Variants in PVT1 observed in about 807,000 individuals in gnomAD.
PVT1 encodes the protein Pvt1 oncogene.
At chr8:128,072,767 G>C (rs2020247) in intron 5 of PVT1, among the ~76,000 whole-genome samples, 95,367 of 151,998 alleles carry the variant, frequency 0.63, 30,153 homozygotes, top group East Asian at 0.77. Context: ...AGCTTTCTGT[G>C]GCACGAGACA....
chr8:128,065,193 AT>A (rs766697541), intron 4 of PVT1, among the ~76,000 whole-genome samples: 4,321 of 93,570 alleles, frequency 0.046, 148 homozygotes, highest in East Asian at 0.26. Flanking sequence ...CTTCTTTTTT[AT>A]TTTTTATTTT....
intron 4 of PVT1, among the ~76,000 whole-genome samples, chr8:128,000,214 C>T (rs896473725): frequency 1.1e-4 from 17 of 152,214 alleles, no homozygotes; most frequent in Middle Eastern, 3.4e-3. Context: ...TCCTGGGACC[C>T]GAGGCACACA....
intron 3 of PVT1, among the ~76,000 whole-genome samples, chr8:127,917,092 C>T (rs1449805963): frequency 6.6e-6 from 1 of 152,104 alleles, no homozygotes; most frequent in East Asian, 1.9e-4. Context: ...CCACTTTGGC[C>T]CAAAAGTTCC....
intron 3 of PVT1, among the ~76,000 whole-genome samples, chr8:127,927,008 C>T (rs554781651): frequency 8.3e-4 from 127 of 152,238 alleles, no homozygotes; most frequent in African/African-American, 2.6e-3. Context: ...TTTTCTGTGC[C>T]GACAATGACC....
intron 4 of PVT1, among the ~76,000 whole-genome samples, chr8:128,021,317 G>A (rs1292082895): frequency 1.3e-5 from 1 of 76,264 alleles, no homozygotes; most frequent in African/African-American, 5.0e-5. Context: ...TTTTTGAGAC[G>A]GAGTCTAGCT....
At chr8:127,979,215 A>T (rs1270815700) in intron 3 of PVT1, among the ~76,000 whole-genome samples, 2 of 152,246 alleles carry the variant, frequency 1.3e-5, no homozygotes, top group Non-Finnish European at 2.9e-5. Context: ...GTGCTAGGTG[A>T]ACAAAGTTGA....
At chr8:127,910,429 A>T (rs1313581745) in intron 3 of PVT1, among the ~76,000 whole-genome samples, 1 of 152,180 alleles carries the variant, frequency 6.6e-6, no homozygotes, top group Non-Finnish European at 1.5e-5. Flanking sequence ...TTTTGCAGGG[A>T]ATGTGAAATC....
rs1330928568 is a variant in PVT1, at chr8:127,937,261, T to TTTTTC, written n.782+46278_782+46282dup. On this transcript the variant is annotated intron_variant and non_coding_transcript_variant, in intron 3 of 10. Transcript: ENST00000651587. ...ATCTAATTCATTGTTTTTCTTTTCTTTTTTCTTTTCTTTTCTTTTTTTTTT... is the reference window on the plus strand; with the variant it reads ...ATCTAATTCATTGTTTTTCTTTTCTTTTTTCTTTTCTTTTCTTTTCTTTTTTTTTT... Among the ~76,000 whole-genome samples, 701 of 80,144 alleles carry TTTTTC rather than the reference T, an allele frequency of 8.7e-3. 6 individuals are homozygous for TTTTTC. The highest frequency in any genetic ancestry group is 0.022 in the African/African-American group (646 of 28,746). The allele number at this position is 80,144 out of a possible 152,430, so 52.6% of individuals were successfully genotyped here.
intron 4 of PVT1, among the ~76,000 whole-genome samples, chr8:128,014,262 G>T (rs954227860): frequency 6.6e-6 from 1 of 151,654 alleles, no homozygotes; most frequent in Non-Finnish European, 1.5e-5. Flanking sequence ...GCTTTTCTCT[G>T]TGGATTTATC....
At chr8:127,889,759 G>A (rs1815576744) in intron 2 of PVT1, among the ~76,000 whole-genome samples, 2 of 152,110 alleles carry the variant, frequency 1.3e-5, no homozygotes, top group South Asian at 4.1e-4. Flanking sequence ...TTCCTCCACT[G>A]CTTCATCTGG....
At chr8:127,869,676 T>C (rs922937969) in intron 2 of PVT1, among the ~76,000 whole-genome samples, 6 of 152,348 alleles carry the variant, frequency 3.9e-5, no homozygotes, top group African/African-American at 1.4e-4. Flanking sequence ...TGAGAATGTT[T>C]GTCATTTACA....
At chr8:127,850,879 C>T (rs937743012) in intron 2 of PVT1, among the ~76,000 whole-genome samples, 1 of 151,902 alleles carries the variant, frequency 6.6e-6, no homozygotes, top group Non-Finnish European at 1.5e-5. Flanking sequence ...AGTAGGTGGG[C>T]GCCTGTAATT....
intron 2 of PVT1, among the ~76,000 whole-genome samples, chr8:127,821,807 C>G: frequency 6.7e-6 from 1 of 150,174 alleles, no homozygotes; most frequent in Non-Finnish European, 1.5e-5. Flanking sequence ...GGGTCTCTGT[C>G]TCAAAAAAAA....
chr8:128,080,648 C>T (rs1814164166), intron 5 of PVT1, among the ~76,000 whole-genome samples: 1 of 152,186 alleles, frequency 6.6e-6, no homozygotes, highest in Non-Finnish European at 1.5e-5. Flanking sequence ...TATTTTCTCC[C>T]AGTCAATGCC....
In PVT1 at chr8:127,895,087, G is replaced by A. The variant is rs148092132; in HGVS notation, n.782+4089G>A. On this transcript the variant is annotated intron_variant and non_coding_transcript_variant, in intron 3 of 10. Coordinates refer to ENST00000651587, the Ensembl canonical transcript of PVT1. ...TCAATTCCTGAGTTAATTATTCTCTGGGATTGAATTATGAAATAGTAAATA... is the reference window on the plus strand; with the variant it reads ...TCAATTCCTGAGTTAATTATTCTCTAGGATTGAATTATGAAATAGTAAATA... Among the ~76,000 whole-genome samples, 625 of 152,268 alleles carry A rather than the reference G, an allele frequency of 4.1e-3. 2 individuals are homozygous for A. Among genetic ancestry groups the A allele is most frequent in the African/African-American group, 0.015 (604 of 41,532 alleles).
intron 2 of PVT1, among the ~76,000 whole-genome samples, chr8:127,837,313 C>T (rs954352094): frequency 1.3e-5 from 2 of 152,044 alleles, no homozygotes; most frequent in Non-Finnish European, 2.9e-5. Flanking sequence ...CACCTTTCAA[C>T]CTGTAAAAGG....
In PVT1 at chr8:127,990,783, G is replaced by A. The variant is rs182780625; in HGVS notation, n.912+1492G>A. ...TGTGGCATGCAGAGGTGAAGAGCATGAGGCCTTGCCCTTCAGTCAAGGTGG... is the reference window on the plus strand; with the variant it reads ...TGTGGCATGCAGAGGTGAAGAGCATAAGGCCTTGCCCTTCAGTCAAGGTGG... On this transcript the variant is annotated intron_variant and non_coding_transcript_variant, in intron 4 of 10. Coordinates refer to ENST00000651587, the Ensembl canonical transcript of PVT1. Among the ~76,000 whole-genome samples the A allele has an allele frequency of 3.5e-4, 54 of 152,346 alleles. 1 individual carries two copies. The highest frequency in any genetic ancestry group is 6.2e-4 in the Non-Finnish European group (42 of 68,030).
At chr8:127,802,757 G>A (rs916810357) in intron 2 of PVT1, among the ~76,000 whole-genome samples, 21 of 152,328 alleles carry the variant, frequency 1.4e-4, no homozygotes, top group African/African-American at 4.8e-4. Context: ...TGCCGTGAAT[G>A]AGAAACCGTT....
rs148014850 is a variant in PVT1 at position 127,874,997 on chromosome 8, G to A, written n.373-15592G>A. ...GCAGGTGCAGTTGCCCTTTCACCAT[G>A]CGTGCTTCTTTGGATGTGACCCCTT... On this transcript the variant is annotated intron_variant and non_coding_transcript_variant, in intron 2 of 10. Coordinates refer to ENST00000651587, the Ensembl canonical transcript of PVT1. 1.5e-4 allele frequency among the ~76,000 whole-genome samples: 23 copies of A among 152,190 alleles called. No individual in the cohort carries two copies. In the East Asian group the frequency reaches 4.1e-3, roughly 27 times the overall value.
Sources: gnomAD v4.1 joint callset for allele counts (sites outside exome capture counted in the v4.1 genomes callset) on GRCh38, gnomAD v4.1.1 for gene constraint, MANE v1.5 for transcripts, NCBI Gene and HGNC (gene_info 2026-07-23, HGNC 2026-07-21) for gene names.